AZI2: variants seen among roughly 807,000 people sequenced by gnomAD.
The protein encoded by AZI2 is 5-azacytidine induced 2.
Under a neutral mutation model 45.8 loss-of-function variants are expected in AZI2, and 22 were observed. The ratio of observed to expected loss-of-function variants is 0.48; its 90% CI spans 0.34 to 0.69. The LOEUF is 0.69. Ranked by LOEUF, AZI2 falls within the 30% of genes least tolerant of loss-of-function variation. The probability of loss-of-function intolerance (pLI) is 0.01; values close to 1 mark genes in which losing one functional copy is unlikely to be tolerated. For synonymous variants in AZI2, 137 were observed against 156.7 expected (o/e 0.87, Z 0.94); for missense variants, 417 against 441.5 (o/e 0.94, Z 0.50).
intron 6 of AZI2, among the ~76,000 whole-genome samples, chr3:28,330,129 A>G (rs1449995081): frequency 6.6e-6 from 1 of 151,294 alleles, no homozygotes; most frequent in Non-Finnish European, 1.5e-5. Flanking sequence ...ATCTGGTTTA[A>G]AAACTGAAGC....
chr3:28,347,317 T>C (rs1704284010), intron 1 of AZI2, among the ~76,000 whole-genome samples: 1 of 152,220 alleles, frequency 6.6e-6, no homozygotes, highest in Admixed American at 6.5e-5. Context: ...AGCAGTGTGC[T>C]TCACCTTTTG....
chr3:28,326,699 T>A (rs1238151017), intron 7 of AZI2, 133 bp downstream of exon 7: 1 of 768,386 alleles, frequency 1.3e-6, no homozygotes, highest in African/African-American at 1.7e-5. Flanking sequence ...AGAGAATGGG[T>A]AGGCTGCGAA....
intron 6 of AZI2, chr3:28,331,829 G>A: frequency 6.5e-7 from 1 of 1,541,736 alleles, no homozygotes; most frequent in Non-Finnish European, 8.8e-7. Flanking sequence ...TGAGGAAAAA[G>A]GGTTGAAAAA....
chr3:28,335,776 G>C (rs1383646503), intron 5 of AZI2, among the ~76,000 whole-genome samples: 1 of 151,986 alleles, frequency 6.6e-6, no homozygotes, highest in Non-Finnish European at 1.5e-5. Context: ...ATGGGATGGA[G>C]TTCCCCTTTC....
At chr3:28,339,555 T>C (rs1214509723) in intron 2 of AZI2, among the ~76,000 whole-genome samples, 3 of 152,186 alleles carry the variant, frequency 2.0e-5, no homozygotes, top group African/African-American at 7.2e-5. Context: ...ATAATTATTT[T>C]ACAACCGACT....
At chr3:28,343,819 C>T (rs1577142344) in intron 1 of AZI2, among the ~76,000 whole-genome samples, 1 of 152,086 alleles carries the variant, frequency 6.6e-6, no homozygotes, top group East Asian at 1.9e-4. Flanking sequence ...AGGAACCCCT[C>T]AGAAGGCTTA....
intron 1 of AZI2, chr3:28,348,284 G>A (rs1704346355): frequency 6.6e-6 from 1 of 152,172 alleles, no homozygotes; most frequent in South Asian, 2.1e-4. Context: ...GCATTTAGCA[G>A]TCTCAATGAA....
chr3:28,332,826 A>T (rs913183653), intron 5 of AZI2, among the ~76,000 whole-genome samples: 2 of 151,670 alleles, frequency 1.3e-5, no homozygotes, highest in Non-Finnish European at 3.0e-5. Context: ...TTTTTTTGGT[A>T]TTTCACTTTT....
At chr3:28,344,099 T>C (rs886630734) in intron 1 of AZI2, among the ~76,000 whole-genome samples, 9 of 152,034 alleles carry the variant, frequency 5.9e-5, no homozygotes, top group Middle Eastern at 3.2e-3. Context: ...AGCATCAAAT[T>C]GCTTATCTGT....
chr3:28,324,577 A>C (rs954312117), intron 7 of AZI2, 123 bp from the exon 8 acceptor site: 1 of 860,438 alleles, frequency 1.2e-6, no homozygotes, highest in Non-Finnish European at 1.6e-6. Context: ...AGTTAGTGTG[A>C]TCATTGAGGC....
In AZI2 at chr3:28,324,038, C is replaced by G; in HGVS notation, c.*4G>C. The stretch of plus-strand genomic sequence containing the variant: ...TCATGGTGAAATCGTGAATCTCTTC[C>G]AAATTAATTCTTATAAAGGCAGTTC... On this transcript the variant is annotated 3_prime_UTR_variant, in exon 8 of 8. Transcript: ENST00000479665. The G allele has an allele frequency of 6.3e-7, 1 of 1,596,410 alleles. No homozygotes were observed. The highest frequency in any genetic ancestry group is 8.6e-7 in the Non-Finnish European group (1 of 1,168,046).
chr3:28,327,525 C>T (rs541573748), intron 6 of AZI2, among the ~76,000 whole-genome samples: 5 of 150,888 alleles, frequency 3.3e-5, no homozygotes, highest in African/African-American at 7.3e-5. Context: ...CAGCACAAGA[C>T]ATGAAGAGCC....
intron 2 of AZI2, among the ~76,000 whole-genome samples, 161 bp downstream of exon 2, chr3:28,340,241 C>T (rs1157217641): frequency 6.6e-6 from 1 of 151,964 alleles, no homozygotes; most frequent in Non-Finnish European, 1.5e-5. Flanking sequence ...GTATGTGAAA[C>T]ACAGGATAAG....
chr3:28,336,718 T>C lies in AZI2; in HGVS notation c.588+19A>G. 3.7e-6 allele frequency: 6 copies of C among 1,605,916 alleles called. No individual in the cohort carries two copies. The highest frequency in any genetic ancestry group is 5.1e-6 in the Non-Finnish European group (6 of 1,174,570). The stretch of plus-strand genomic sequence containing the variant: ...ACACAAAAAATACTGAAATTCTCAA[T>C]TTAATAATTCTGTAATACCGTTTGT... On this transcript the variant is annotated intron_variant, in intron 5 of 7. Coordinates refer to ENST00000479665, the MANE Select transcript of AZI2 (RefSeq NM_022461.5).
chr3:28,340,086 C>CTT (rs770254371), intron 2 of AZI2, among the ~76,000 whole-genome samples: 1 of 144,580 alleles, frequency 6.9e-6, no homozygotes, highest in African/African-American at 2.5e-5. Flanking sequence ...GTTGGTATAT[C>CTT]TTTTTTTTTT....
At chr3:28,331,653 C>T in intron 6 of AZI2, 4 of 1,255,374 alleles carry the variant, frequency 3.2e-6, no homozygotes, top group Non-Finnish European at 4.0e-6. Flanking sequence ...TTACTTAGGT[C>T]AGTAAACTTT....
At chr3:28,342,954 A>C (rs1357004599) in intron 1 of AZI2, among the ~76,000 whole-genome samples, 1 of 152,084 alleles carries the variant, frequency 6.6e-6, no homozygotes, top group African/African-American at 2.4e-5. Flanking sequence ...CTGCTCTGCG[A>C]AGTCAAAAAC....
intron 6 of AZI2, 84 bp from the exon 7 acceptor site, chr3:28,327,034 A>G: frequency 1.1e-6 from 1 of 915,902 alleles, no homozygotes; most frequent in Non-Finnish European, 1.7e-6. Flanking sequence ...ATGCAGATCA[A>G]GTTTCTGCTC....
chr3:28,340,109 G>GA (rs1209598295), intron 2 of AZI2, among the ~76,000 whole-genome samples: 1 of 147,056 alleles, frequency 6.8e-6, no homozygotes, highest in Non-Finnish European at 1.5e-5. Context: ...GCCCAGATTT[G>GA]AAAATTCTGA....
Sources: gnomAD v4.1 joint callset for allele counts (sites outside exome capture counted in the v4.1 genomes callset) on GRCh38, gnomAD v4.1.1 for gene constraint, MANE v1.5 for transcripts, NCBI Gene and HGNC (gene_info 2026-07-23, HGNC 2026-07-21) for gene names.